Variants in SNRPN observed in about 807,000 individuals in gnomAD.
SNRPN encodes the protein small nuclear ribonucleoprotein polypeptide N, also known as small nuclear ribonucleoprotein-associated protein N.
Under a neutral mutation model 25.2 loss-of-function variants are expected in SNRPN, and 7 were observed. That is an observed-to-expected ratio of 0.28 (90% CI 0.16 to 0.52). The LOEUF is 0.52. Among genes scored for constraint, SNRPN ranks in the 20% least tolerant of loss-of-function variants. The pLI is 0.96. For synonymous variants in SNRPN, 124 were observed against 110.6 expected (o/e 1.12, Z -0.76); for missense variants, 196 against 322.5 (o/e 0.61, Z 3.00).
intron 1 of SNRPN, among the ~76,000 whole-genome samples, chr15:24,955,833 G>A (rs1009339596): frequency 2.0e-5 from 3 of 151,448 alleles, no homozygotes; most frequent in South Asian, 2.1e-4. Flanking sequence ...TAGGCATGGC[G>A]GCGGTGGGCA....
At chr15:24,937,654 C>A (rs151174291) in intron 3 of SNRPN, among the ~76,000 whole-genome samples, 1 of 152,142 alleles carries the variant, frequency 6.6e-6, no homozygotes, top group Non-Finnish European at 1.5e-5. Context: ...TCATCTTACC[C>A]GTTTCAGGGG....
chr15:24,928,090 T>C (rs1474149827), intron 3 of SNRPN, among the ~76,000 whole-genome samples: 1 of 152,110 alleles, frequency 6.6e-6, no homozygotes, highest in African/African-American at 2.4e-5. Flanking sequence ...TAAATGCTGA[T>C]GAGGATGCAG....
Position 24,918,718 on chromosome 15 carries a change from CAT to C in SNRPN, c.-504-1291_-504-1290del, listed in dbSNP as rs1194025255. ...AATATATATGTGTGCATATATATAA[CAT>C]AATATATATGTGTGCATATATATAA... On this transcript the variant is annotated intron_variant, in intron 2 of 11. Transcript: ENST00000400097. 4.5e-5 allele frequency among the ~76,000 whole-genome samples: 4 copies of C among 89,446 alleles called. 1 individual carries two copies. The highest frequency in any genetic ancestry group is 1.3e-4 in the African/African-American group (3 of 23,750). 58.7% of individuals were successfully genotyped at this position (89,446 alleles called of 152,430 possible).
At chr15:24,878,408 GGCCGATCTTCGGCGC>G (rs2056209701) in intron 1 of SNRPN, among the ~76,000 whole-genome samples, 1 of 152,178 alleles carries the variant, frequency 6.6e-6, no homozygotes, top group African/African-American at 2.4e-5. Flanking sequence ...AGCCCGCAGG[GGCCGATCTTCGGCGC>G]GCCTGCACAG....
intron 1 of SNRPN, among the ~76,000 whole-genome samples, chr15:24,876,128 A>T (rs140553922): frequency 6.6e-6 from 1 of 152,254 alleles, no homozygotes; most frequent in Non-Finnish European, 1.5e-5. Flanking sequence ...TCTACTTGCT[A>T]ACACTTATGC....
At chr15:24,957,027 T>G (rs1596172958) in intron 1 of SNRPN, among the ~76,000 whole-genome samples, 1 of 152,236 alleles carries the variant, frequency 6.6e-6, no homozygotes, top group African/African-American at 2.4e-5. Context: ...TTTTTGTAGT[T>G]CCTCTCTTGG....
chr15:24,854,326 C>G (rs1326962003), upstream of SNRPN, among the ~76,000 whole-genome samples: 1 of 152,046 alleles, frequency 6.6e-6, no homozygotes, highest in Non-Finnish European at 1.5e-5. Context: ...TTTTTAAAAA[C>G]AATAATGCAT....
intron 1 of SNRPN, among the ~76,000 whole-genome samples, chr15:24,863,682 T>C (rs761325456): frequency 2.0e-5 from 3 of 150,878 alleles, no homozygotes; most frequent in Non-Finnish European, 4.4e-5. Flanking sequence ...CTGCTTTGTA[T>C]ATGTTTGCCT....
intron 1 of SNRPN, among the ~76,000 whole-genome samples, chr15:24,867,303 C>T (rs1046281229): frequency 6.6e-6 from 1 of 151,968 alleles, no homozygotes; most frequent in Non-Finnish European, 1.5e-5. Flanking sequence ...TTAATAATAG[C>T]CTTGTAACAG....
intron 1 of SNRPN, among the ~76,000 whole-genome samples, chr15:24,885,189 GT>G (rs1258328895): frequency 6.6e-6 from 1 of 152,310 alleles, no homozygotes; most frequent in East Asian, 1.9e-4. Flanking sequence ...ATTTTGTGTT[GT>G]TGTAGGAGTG....
intron 3 of SNRPN, among the ~76,000 whole-genome samples, chr15:24,941,047 G>T (rs2061519251): frequency 6.6e-6 from 1 of 152,138 alleles, no homozygotes; most frequent in African/African-American, 2.4e-5. Context: ...CACAATCTTG[G>T]CTCGCTGCAA....
chr15:24,891,566 T>C (rs1452566661), intron 2 of SNRPN, among the ~76,000 whole-genome samples: 1 of 152,066 alleles, frequency 6.6e-6, no homozygotes, highest in Non-Finnish European at 1.5e-5. Flanking sequence ...CCCTCCCAAG[T>C]AGCTGGGATT....
At chr15:24,938,983 C>T (rs920680162) in intron 3 of SNRPN, among the ~76,000 whole-genome samples, 1 of 152,042 alleles carries the variant, frequency 6.6e-6, no homozygotes. Flanking sequence ...ACATTCTCTC[C>T]CATGATTTGC....
chr15:24,825,459 G>A lies in SNRPN; in HGVS notation c.-687+1609G>A, dbSNP rs536296548. On this transcript the variant is annotated intron_variant, in intron 1 of 12. Coordinates refer to the SNRPN transcript ENST00000400100. Reference sequence around the variant, plus strand: ...TTTATTCTTCATTGATGAGAGTTGCGTTCTGTTCTGATAAATGGAAAGCTC... The same window carrying A: ...TTTATTCTTCATTGATGAGAGTTGCATTCTGTTCTGATAAATGGAAAGCTC... Among the ~76,000 whole-genome samples, 7 of 152,166 alleles carry A rather than the reference G, an allele frequency of 4.6e-5. No individual in the cohort carries two copies. In the South Asian group the frequency reaches 6.2e-4, roughly 14 times the overall value.
intron 2 of SNRPN, among the ~76,000 whole-genome samples, chr15:24,917,921 A>G (rs2059635413): frequency 6.6e-6 from 1 of 152,218 alleles, no homozygotes; most frequent in Non-Finnish European, 1.5e-5. Flanking sequence ...TGACCTAAAG[A>G]GAGCTCTTGA....
chr15:24,873,524 T>A (rs1441720354), intron 1 of SNRPN, among the ~76,000 whole-genome samples: 1 of 149,440 alleles, frequency 6.7e-6, no homozygotes, highest in Non-Finnish European at 1.5e-5. Context: ...CTTGGCTCAC[T>A]GCAAGCTCCG....
At chr15:24,888,112 C>CTTTTTTTTTTTTTTTTTTTTTTTTTTTT (rs113183574) in intron 2 of SNRPN, among the ~76,000 whole-genome samples, 1 of 139,900 alleles carries the variant, frequency 7.1e-6, no homozygotes. Flanking sequence ...TTAGAAATGA[C>CTTTTTTTTTTTTTTTTTTTTTTTTTTTT]TTTTTTTTTT....
At chr15:24,846,163 T>C (rs549080585) in intron 2 of SNRPN, among the ~76,000 whole-genome samples, 142 of 152,218 alleles carry the variant, frequency 9.3e-4, no homozygotes, top group Non-Finnish European at 1.7e-3. Flanking sequence ...ATTTAGATTT[T>C]TTTGAATATC....
At chr15:24,828,650 G>A (rs539624161) in intron 1 of SNRPN, among the ~76,000 whole-genome samples, 1 of 152,228 alleles carries the variant, frequency 6.6e-6, no homozygotes, top group South Asian at 2.1e-4. Flanking sequence ...GGAATTGGAG[G>A]CTGCTATGCT....
Sources: gnomAD v4.1 joint callset for allele counts (sites outside exome capture counted in the v4.1 genomes callset) on GRCh38, gnomAD v4.1.1 for gene constraint, MANE v1.5 for transcripts, NCBI Gene and HGNC (gene_info 2026-07-23, HGNC 2026-07-21) for gene names.